TEP1: variants seen among roughly 807,000 people sequenced by gnomAD.
The protein encoded by TEP1 is telomerase associated protein 1.
A neutral mutation model predicts 306.3 loss-of-function variants in TEP1; 241 were observed. That is an observed-to-expected ratio of 0.79 (90% CI 0.71 to 0.88). TEP1 has a LOEUF of 0.88. Ranked by LOEUF, TEP1 falls within the 40% of genes least tolerant of loss-of-function variation. TEP1 has a pLI of 0.00. For synonymous variants in TEP1, 1,289 were observed against 1,305.5 expected (o/e 0.99, Z 0.27); for missense variants, 3,051 against 3,276.1 (o/e 0.93, Z 1.68).
At chr14:20,404,181 C>G (rs1461788962) in intron 5 of TEP1, among the ~76,000 whole-genome samples, 1 of 152,006 alleles carries the variant, frequency 6.6e-6, no homozygotes, top group African/African-American at 2.4e-5. Flanking sequence ...ATGGTGAAAC[C>G]CCATCACTAC....
Position 20,369,692 on chromosome 14 carries a change from G to C in TEP1, c.7405C>G (p.Gln2469Glu). ...CACTCACCAGATTCAGGTTTGGCTT[G>C]AGTTATCGATATTAGGGTCCTACTA... ...NPSRTLISIT[Q>E]AKPESESSFL... The change falls in exon 52 of 55, where the codon CAA (glutamine) becomes GAA (glutamate). Residue 2469 changes from glutamine (Q) to glutamate (E), a missense_variant. Around this residue, in one of 3 missense-constraint regions of TEP1, gnomAD observed 1,540 missense variants for 1,705.9 expected, o/e 0.90. Transcript: ENST00000262715. 1 of 1,614,062 alleles carries C rather than the reference G, an allele frequency of 6.2e-7. No homozygotes were observed. The highest frequency in any genetic ancestry group is 8.5e-7 in the Non-Finnish European group (1 of 1,179,978).
Position 20,371,247 on chromosome 14 carries a change from G to A in TEP1, c.7288C>T (p.Pro2430Ser). 4 of 1,614,126 alleles carry A rather than the reference G, an allele frequency of 2.5e-6. No homozygotes were observed. The highest frequency in any genetic ancestry group is 3.4e-6 in the Non-Finnish European group (4 of 1,179,964). The change falls in exon 51 of 55, where the codon CCC becomes TCC. Residue 2430 changes from proline (P) to serine (S), a missense_variant. Pro to Ser is a moderately conservative substitution (Grantham distance 74). Coordinates refer to ENST00000262715, the MANE Select transcript of TEP1 (RefSeq NM_007110.5). ...HKEYGIFVLQ[P>S]KDPGVLSFLR... ...AAAGAAAGAACTCCAGGATCCTTGG[G>A]CTGCAGGACAAATATGCCATACTCC...
rs750642834 is a variant in TEP1 at position 20,381,716 on chromosome 14, G to A, written c.4425-30C>T. 1.3e-5 allele frequency: 21 copies of A among 1,566,458 alleles called. No individual in the cohort carries two copies. In the East Asian group the frequency reaches 4.5e-4, roughly 34 times the overall value. On this transcript the variant is annotated intron_variant, in intron 30 of 54. Transcript: ENST00000262715. The surrounding 1 kb of genome is among the most constrained non-coding windows in gnomAD (Gnocchi z 4.0). The stretch of plus-strand genomic sequence containing the variant: ...CCTCGTGTGAGGAAGGGAGAGAGAA[G>A]AAGGAAGAGGCCTGTCAGTGAGCTT...
intron 9 of TEP1, among the ~76,000 whole-genome samples, chr14:20,398,334 C>T (rs369419136): frequency 9.4e-5 from 14 of 148,684 alleles, no homozygotes; most frequent in South Asian, 8.5e-4. Flanking sequence ...GCCGAGGTCG[C>T]GCCATTGCAC....
At position 20,380,792 on chromosome 14, in the gene TEP1, G is replaced by T. The variant is rs1046000868; in HGVS notation, c.4762+139C>A. ...TGAGAGTCACGTGCTCACCCTCTTGGCATTTTCAACTCGAAATGGAAATTT... is the reference window on the plus strand; with the variant it reads ...TGAGAGTCACGTGCTCACCCTCTTGTCATTTTCAACTCGAAATGGAAATTT... On this transcript the variant is annotated intron_variant, in intron 33 of 54. Coordinates refer to ENST00000262715, the MANE Select transcript of TEP1 (RefSeq NM_007110.5). The T allele has an allele frequency of 6.6e-6, 5 of 761,750 alleles. No individual in the cohort carries two copies. The African/African-American group carries it at 8.8e-5, about 13-fold the overall frequency. 47.2% of individuals were successfully genotyped at this position (761,750 alleles called of 1,614,324 possible).
chr14:20,411,909 T>A (rs1055476592), intron 1 of TEP1, among the ~76,000 whole-genome samples: 1 of 151,736 alleles, frequency 6.6e-6, no homozygotes, highest in African/African-American at 2.4e-5. Flanking sequence ...GGTCAGGAGT[T>A]CAAGACCAGC....
intron 1 of TEP1, 135 bp downstream of exon 1, chr14:20,413,270 C>T (rs1879811320): frequency 6.6e-6 from 1 of 152,472 alleles, no homozygotes; most frequent in African/African-American, 2.4e-5. Context: ...CGGGTGGTTC[C>T]TAACCGGCCC....
At chr14:20,384,353 C>T (rs570964029) in intron 23 of TEP1, 38 bp downstream of exon 23, 36 of 1,612,960 alleles carry the variant, frequency 2.2e-5, no homozygotes, top group Non-Finnish European at 2.9e-5. Context: ...CACCCCATGT[C>T]CCTCTCCATG....
At position 20,378,393 on chromosome 14, in the gene TEP1, A is replaced by G. The variant is rs531891774; in HGVS notation, c.5495T>C (p.Leu1832Pro). 1.9e-6 allele frequency: 3 copies of G among 1,614,092 alleles called. No homozygotes were observed. Among genetic ancestry groups the G allele is most frequent in the East Asian group, 4.5e-5 (2 of 44,880 alleles). The change falls in exon 38 of 55, where the codon CTC becomes CCC. Residue 1832 changes from leucine (L) to proline (P), a missense_variant. Leu to Pro is a moderately conservative substitution (Grantham distance 98). Coordinates refer to ENST00000262715, the MANE Select transcript of TEP1 (RefSeq NM_007110.5). ...GSISFFQVDG[L>P]KVTKDLGAPG... ...GGACCTTCTTACCTTGGTGACTTTG[A>G]GCCCATCCACCTGGAAGAAGCTGAT...
At chr14:20,389,369 C>T in intron 16 of TEP1, 72 bp from the exon 17 acceptor site, 1 of 1,566,980 alleles carries the variant, frequency 6.4e-7, no homozygotes, top group East Asian at 2.2e-5. Flanking sequence ...CACTAACATC[C>T]CAAGATGAAA....
intron 2 of TEP1, among the ~76,000 whole-genome samples, chr14:20,407,400 C>T (rs1412191857): frequency 6.6e-6 from 1 of 152,136 alleles, no homozygotes; most frequent in Non-Finnish European, 1.5e-5. Context: ...TCTCTGTTGC[C>T]CAGATTGGAG....
rs199736224 is a variant in TEP1, at chr14:20,408,111, C to T, written c.329G>A (p.Arg110Gln). The change falls in exon 2 of 55, where the codon CGG (arginine) becomes CAG (glutamine). Residue 110 changes from arginine to glutamine, a missense_variant. By Grantham distance (43) the Arg-to-Gln change is conservative (BLOSUM62 1). Transcript: ENST00000262715. ...TAGACTAGAGAGGGTGGCCAGGCACCGGTTCTCCAAGGAGAGGATGTCTGG... is the reference window on the plus strand; with the variant it reads ...TAGACTAGAGAGGGTGGCCAGGCACTGGTTCTCCAAGGAGAGGATGTCTGG... ...AHPDILSLEN[R>Q]CLATLSSLKS... 13 of 1,613,002 alleles carry T rather than the reference C, an allele frequency of 8.1e-6. No individual in the cohort carries two copies. The highest frequency in any genetic ancestry group is 1.6e-4 in the Middle Eastern group (1 of 6,078).
In TEP1 at chr14:20,381,915, G is replaced by A. The variant is rs529864179; in HGVS notation, c.4422C>T (p.Arg1474=). The A allele has an allele frequency of 1.2e-6, 2 of 1,613,942 alleles. No individual in the cohort carries two copies. Among genetic ancestry groups the A allele is most frequent in the South Asian group, 2.2e-5 (2 of 91,078 alleles). The change falls in exon 30 of 55, where the codon CGC becomes CGT. Residue 1474 remains arginine, a splice_region_variant and synonymous_variant. Coordinates refer to ENST00000262715, the MANE Select transcript of TEP1 (RefSeq NM_007110.5). The surrounding 1 kb of genome is among the most constrained non-coding windows in gnomAD (Gnocchi z 4.0). ...GAGCTCTGCTGGGGCACCTGTACCT[G>A]CGCAGACTCTGGACGAGGCAGGCAA... ...GPFACLVQSL[R]SLLGEGPLER... is the part of the protein sequence containing the mutation.
intron 44 of TEP1, 96 bp downstream of exon 44, chr14:20,374,333 A>T: frequency 1.3e-6 from 1 of 747,890 alleles, no homozygotes; most frequent in Non-Finnish European, 2.1e-6. Flanking sequence ...TTTTATGCTC[A>T]TTTTGCCTCT....
chr14:20,385,824 C>A (rs528260871), intron 20 of TEP1, among the ~76,000 whole-genome samples: 1 of 152,342 alleles, frequency 6.6e-6, no homozygotes, highest in African/African-American at 2.4e-5. Flanking sequence ...GTACCCAGAT[C>A]TATCTGATGG....
Position 20,381,164 on chromosome 14 carries a change from A to G in TEP1, c.4648-119T>C, listed in dbSNP as rs1048887333. 8.3e-6 allele frequency: 10 copies of G among 1,208,716 alleles called. No homozygotes were observed. The highest frequency in any genetic ancestry group is 1.2e-5 in the Non-Finnish European group (10 of 815,806). The allele number at this position is 1,208,716 out of a possible 1,614,324, so 74.9% of individuals were successfully genotyped here. On this transcript the variant is annotated intron_variant, in intron 32 of 54. Transcript: ENST00000262715. This position sits in a 1 kb window ranked among gnomAD's most constrained non-coding sequence, Gnocchi z 4.0. ...AGCTGGGACAAAGGACTTGAAGAAG[A>G]AGGGCAGGAAAACTGAAAGGAAAGA...
chr14:20,373,033 G>A lies in TEP1; in HGVS notation c.6929C>T (p.Ala2310Val), dbSNP rs745825745. The part of the protein sequence containing the change: ...QAGELILWQE[A>V]KAVATAQAPG... ...CACCTGTGCTGTGGCCACAGCCTTA[G>A]CTTCCTGCCACAAGATTAGTTCCCC... The change falls in exon 48 of 55, where the codon GCT becomes GTT. Residue 2310 changes from alanine (A) to valine (V), a missense_variant. Coordinates refer to ENST00000262715, the MANE Select transcript of TEP1 (RefSeq NM_007110.5). 1.1e-5 allele frequency: 17 copies of A among 1,614,014 alleles called. No individual in the cohort carries two copies. In the Admixed American group the frequency reaches 2.8e-4, roughly 27 times the overall value.
chr14:20,374,651 T>G lies in TEP1; in HGVS notation c.6364-115A>C, dbSNP rs1214885609. On this transcript the variant is annotated intron_variant, in intron 43 of 54. Coordinates refer to ENST00000262715, the MANE Select transcript of TEP1 (RefSeq NM_007110.5). ...ACGTAATTAAGGGCCTGGGTTCTCC[T>G]GGGTTCAAATCCTAGCTCTGTCACT... 7.8e-6 allele frequency: 5 copies of G among 639,932 alleles called. No homozygotes were observed. The East Asian group carries it at 1.1e-4, about 14-fold the overall frequency. 39.6% of individuals were successfully genotyped at this position (639,932 alleles called of 1,614,324 possible).
At chr14:20,385,926 C>T in intron 20 of TEP1, 149 bp downstream of exon 20, 1 of 1,239,116 alleles carries the variant, frequency 8.1e-7, no homozygotes, top group Non-Finnish European at 1.1e-6. Flanking sequence ...AGCATGGTCA[C>T]TTGCAGTATC....
Sources: allele counts gnomAD v4.1 joint callset (sites outside exome capture counted in the v4.1 genomes callset), GRCh38; gene constraint gnomAD v4.1.1; regional missense constraint gnomAD v4.1.1; non-coding constraint Gnocchi (gnomAD v3.1); transcripts MANE v1.5; gene names NCBI Gene and HGNC (gene_info 2026-07-23, HGNC 2026-07-21).